The following TNIK variants were observed in gnomAD, a reference collection of about 807,000 sequenced individuals.
TNIK encodes TRAF2 and NCK interacting kinase.
TNIK carries 49 observed loss-of-function variants against 191.3 expected under a neutral mutation model. The ratio of observed to expected loss-of-function variants is 0.26; its 90% confidence interval spans 0.20 to 0.32. The LOEUF is 0.32. Ranked by LOEUF, TNIK falls within the 10% of genes least tolerant of loss-of-function variation. The pLI is 1.00. For synonymous variants in TNIK, 594 were observed against 600.9 expected, an observed-to-expected ratio of 0.99 and a Z score of 0.17; for missense variants, 1,155 against 1,702.3, an observed-to-expected ratio of 0.68 and a Z score of 5.66.
intron 2 of TNIK, among the ~76,000 whole-genome samples, chr3:171,252,823 C>A (rs985789454): frequency 6.6e-6 from 1 of 152,056 alleles, no homozygotes; most frequent in Non-Finnish European, 1.5e-5. Flanking sequence ...CCATCTAAAT[C>A]TTGAAGAACA....
chr3:171,266,724 A>G (rs1239471253), intron 2 of TNIK, among the ~76,000 whole-genome samples: 1 of 152,200 alleles, frequency 6.6e-6, no homozygotes, highest in Non-Finnish European at 1.5e-5. Flanking sequence ...ATTTGGTAAA[A>G]CAATCTGAAA....
chr3:171,368,810 G>A (rs947116377), intron 2 of TNIK, among the ~76,000 whole-genome samples: 1 of 152,056 alleles, frequency 6.6e-6, no homozygotes, highest in Non-Finnish European at 1.5e-5. Context: ...GCTGCCACTA[G>A]GGAAAATGAT....
At chr3:171,442,412 G>A (rs1442037063) in intron 1 of TNIK, among the ~76,000 whole-genome samples, 1 of 152,118 alleles carries the variant, frequency 6.6e-6, no homozygotes, top group African/African-American at 2.4e-5. Flanking sequence ...TAATTAAAGG[G>A]GGTTGGGGGA....
intron 2 of TNIK, among the ~76,000 whole-genome samples, chr3:171,252,079 T>C (rs1218862275): frequency 1.3e-5 from 2 of 151,924 alleles, no homozygotes; most frequent in Admixed American, 6.6e-5. Flanking sequence ...TGTGTGTGTG[T>C]GCGTGTGTGT....
chr3:171,294,621 T>C (rs1752054530), intron 2 of TNIK, among the ~76,000 whole-genome samples: 2 of 152,054 alleles, frequency 1.3e-5, no homozygotes, highest in Non-Finnish European at 2.9e-5. Context: ...CTCAGGAGGC[T>C]GAGGCAGGAG....
Position 171,307,940 on chromosome 3 carries a change from T to A in TNIK, c.123+61680A>T, listed in dbSNP as rs143308915. Reference sequence around the variant, plus strand: ...CTGCAGCTAATGAAATGTTTATATATTCTTGTACTTGAAAAATCTATCACT... The same window carrying A: ...CTGCAGCTAATGAAATGTTTATATAATCTTGTACTTGAAAAATCTATCACT... On this transcript the variant is annotated intron_variant, in intron 2 of 32. Transcript: ENST00000436636. Among the ~76,000 whole-genome samples, 33 of 152,274 alleles carry A rather than the reference T, an allele frequency of 2.2e-4. 1 individual carries two copies. In the East Asian group the frequency reaches 6.4e-3, roughly 29 times the overall value.
chr3:171,201,757 C>A (rs1739438329), intron 4 of TNIK, among the ~76,000 whole-genome samples: 1 of 152,136 alleles, frequency 6.6e-6, no homozygotes. Context: ...CCTTAAAAAG[C>A]AACTTTAATG....
intron 1 of TNIK, among the ~76,000 whole-genome samples, chr3:171,442,577 C>T (rs1041489642): frequency 3.3e-5 from 5 of 152,170 alleles, no homozygotes; most frequent in African/African-American, 1.2e-4. Context: ...ATACATATTT[C>T]ACTGAATGTC....
At position 171,441,670 on chromosome 3, in the gene TNIK, C is replaced by T. The variant is rs569349020; in HGVS notation, c.57+18337G>A. On this transcript the variant is annotated intron_variant, in intron 1 of 32. Transcript: ENST00000436636. ...TGTTTTCATTTCTCTTGGGTACATA[C>T]GCAGAAGTGGACTTGCTAGGTCGTG... Among the ~76,000 whole-genome samples the T allele has an allele frequency of 9.8e-5, 15 of 152,292 alleles. No individual in the cohort carries two copies. The East Asian group carries it at 1.2e-3, about 12-fold the overall frequency.
In TNIK at chr3:171,126,170, T is replaced by G; in HGVS notation, c.1774-19A>C. 6.7e-7 allele frequency: 1 copy of G among 1,486,176 alleles called. No individual in the cohort carries two copies. The highest frequency in any genetic ancestry group is 8.9e-7 in the Non-Finnish European group (1 of 1,121,150). 92.1% of individuals were successfully genotyped at this position (1,486,176 alleles called of 1,614,324 possible). A position where few individuals can be genotyped will look rare whatever the true frequency, so the allele number is the denominator to read the frequency against. ...GTGGGATCTAAGCATCAAAACAACA[T>G]GAAAACAGCACTATTAGAAGAAAAA... On this transcript the variant is annotated intron_variant, in intron 16 of 32. Transcript: ENST00000436636.
chr3:171,089,930 G>A (rs139980631), intron 23 of TNIK, among the ~76,000 whole-genome samples: 22 of 152,300 alleles, frequency 1.4e-4, no homozygotes, highest in African/African-American at 4.1e-4. Flanking sequence ...GCAGAGCCCA[G>A]GTGCTCTGGG....
At chr3:171,194,723 C>T in intron 4 of TNIK, 88 bp from the exon 5 acceptor site, 1 of 1,099,548 alleles carries the variant, frequency 9.1e-7, no homozygotes, top group Non-Finnish European at 1.4e-6. Flanking sequence ...CAATTGGCTG[C>T]TTTGGAATGC....
chr3:171,457,068 C>A (rs949478147), intron 1 of TNIK, among the ~76,000 whole-genome samples: 2 of 152,148 alleles, frequency 1.3e-5, no homozygotes, highest in African/African-American at 2.4e-5. Context: ...CAATTCCAGC[C>A]CATCCCTCAA....
intron 4 of TNIK, among the ~76,000 whole-genome samples, chr3:171,196,898 G>A (rs1231818640): frequency 6.6e-6 from 1 of 150,594 alleles, no homozygotes; most frequent in Non-Finnish European, 1.5e-5. Context: ...GGGACTACAG[G>A]CACCCGCCAT....
intron 12 of TNIK, among the ~76,000 whole-genome samples, chr3:171,151,770 G>C (rs1436036004): frequency 6.6e-6 from 1 of 152,190 alleles, no homozygotes; most frequent in East Asian, 1.9e-4. Context: ...GGACTTTCCA[G>C]AGCATCAATA....
At chr3:171,274,642 ACAG>A (rs1247026809) in intron 2 of TNIK, among the ~76,000 whole-genome samples, 3 of 152,374 alleles carry the variant, frequency 2.0e-5, no homozygotes, top group African/African-American at 4.8e-5. Flanking sequence ...TATAAAATGG[ACAG>A]CAGAATAAAA....
At chr3:171,336,140 A>C (rs1261052538) in intron 2 of TNIK, among the ~76,000 whole-genome samples, 1 of 152,144 alleles carries the variant, frequency 6.6e-6, no homozygotes, top group Non-Finnish European at 1.5e-5. Flanking sequence ...AATTTCTCCA[A>C]CATATTTTGA....
intron 2 of TNIK, among the ~76,000 whole-genome samples, chr3:171,360,141 C>G (rs1468221009): frequency 1.3e-5 from 2 of 152,188 alleles, no homozygotes; most frequent in South Asian, 4.1e-4. Flanking sequence ...AAAATCTCAT[C>G]CTCTTTTCAT....
intron 2 of TNIK, among the ~76,000 whole-genome samples, chr3:171,252,055 C>A (rs547365533): frequency 5.1e-4 from 77 of 151,158 alleles, no homozygotes; most frequent in African/African-American, 1.8e-3. Context: ...TAGATAAAAT[C>A]TGGTATGCGT....
Sources: gnomAD v4.1 joint callset for allele counts (sites outside exome capture counted in the v4.1 genomes callset) on GRCh38, gnomAD v4.1.1 for gene constraint, MANE v1.5 for transcripts, NCBI Gene and HGNC (gene_info 2026-07-23, HGNC 2026-07-21) for gene names.